MICU3: variants seen among roughly 807,000 people sequenced by gnomAD.
MICU3 encodes the protein mitochondrial calcium uptake 3, also known as calcium uptake protein 3, mitochondrial.
In MICU3, 62 loss-of-function variants were observed where a neutral mutation model predicts 66.5. The observed-to-expected ratio is 0.93, with a 90% CI of 0.76 to 1.15. The LOEUF is 1.15. MICU3 is among the 50% of genes most tolerant of loss of function. The pLI, the probability that MICU3 is intolerant of heterozygous loss-of-function variation, is 0.00. For synonymous variants in MICU3, 308 were observed against 240.7 expected (o/e 1.28, Z -2.59); for missense variants, 779 against 664.4 (o/e 1.17, Z -1.90).
chr8:17,082,456 C>G (rs1240247935), intron 5 of MICU3, among the ~76,000 whole-genome samples: 2 of 152,116 alleles, frequency 1.3e-5, no homozygotes, highest in Non-Finnish European at 2.9e-5. Flanking sequence ...CTTTGTATCT[C>G]TTTACTGCGT....
rs1164349856 is a variant in MICU3 at position 17,104,975 on chromosome 8, A to G, written c.1086-438A>G. Among the ~76,000 whole-genome samples, 3 of 133,888 alleles carry G rather than the reference A, an allele frequency of 2.2e-5. 1 individual carries two copies. Among genetic ancestry groups the G allele is most frequent in the Non-Finnish European group, 4.8e-5 (3 of 63,016 alleles). 87.8% of individuals were successfully genotyped at this position (133,888 alleles called of 152,430 possible). ...GCGCCACTGCACTCCAGCCTGGGCG[A>G]CAGAGCGAGACTCCGTCTCAAAAAA... On this transcript the variant is annotated intron_variant, in intron 10 of 14. Coordinates refer to ENST00000318063, the MANE Select transcript of MICU3 (RefSeq NM_181723.3).
chr8:17,090,766 C>A, intron 8 of MICU3, 182 bp downstream of exon 8: 5 of 432,530 alleles, frequency 1.2e-5, no homozygotes, highest in South Asian at 6.1e-5. Flanking sequence ...TATGTGAAGA[C>A]TAAAATATGC....
At chr8:17,113,201 T>A (rs553302217) in intron 11 of MICU3, among the ~76,000 whole-genome samples, 2 of 152,214 alleles carry the variant, frequency 1.3e-5, no homozygotes, top group Non-Finnish European at 2.9e-5. Flanking sequence ...CAACACGGCC[T>A]TGTTAGTGTC....
intron 1 of MICU3, chr8:17,049,509 A>G (rs1815685285): frequency 2.0e-6 from 1 of 493,302 alleles, no homozygotes; most frequent in Admixed American, 2.0e-5. Flanking sequence ...TTGTGGGCTT[A>G]GTATTTATTT....
At chr8:17,079,102 T>G (rs1033967358) in intron 4 of MICU3, among the ~76,000 whole-genome samples, 10 of 152,016 alleles carry the variant, frequency 6.6e-5, no homozygotes, top group Non-Finnish European at 1.2e-4. Context: ...AATCTGGAAG[T>G]CCTAGGTTTA....
At chr8:17,097,785 G>C (rs889579759) in intron 8 of MICU3, among the ~76,000 whole-genome samples, 2 of 151,208 alleles carry the variant, frequency 1.3e-5, no homozygotes, top group Admixed American at 6.6e-5. Flanking sequence ...AGAGTGATTA[G>C]ACTACACTTT....
At chr8:17,044,731 ACAG>A (rs1287146580) in intron 1 of MICU3, among the ~76,000 whole-genome samples, 1 of 152,186 alleles carries the variant, frequency 6.6e-6, no homozygotes, top group Non-Finnish European at 1.5e-5. Flanking sequence ...GTTGGCCTCT[ACAG>A]CAGCTTCAGG....
intron 3 of MICU3, among the ~76,000 whole-genome samples, chr8:17,070,080 A>G (rs949091587): frequency 3.3e-5 from 5 of 152,076 alleles, no homozygotes; most frequent in Non-Finnish European, 1.5e-5. Flanking sequence ...TACCTTGTAA[A>G]GTTGAACTTG....
intron 1 of MICU3, among the ~76,000 whole-genome samples, chr8:17,037,766 G>A (rs911759459): frequency 1.3e-5 from 2 of 152,184 alleles, no homozygotes; most frequent in Non-Finnish European, 2.9e-5. Flanking sequence ...GAAAGCAGCC[G>A]GGAGTGGGGC....
chr8:17,075,083 T>A (rs1272313552), intron 3 of MICU3, among the ~76,000 whole-genome samples: 1 of 152,110 alleles, frequency 6.6e-6, no homozygotes, highest in Admixed American at 6.5e-5. Flanking sequence ...GGTTATGGTT[T>A]TATTAGATAG....
chr8:17,081,091 A>T (rs1821112656), intron 4 of MICU3, among the ~76,000 whole-genome samples: 1 of 152,130 alleles, frequency 6.6e-6, no homozygotes, highest in Non-Finnish European at 1.5e-5. Context: ...AGTTACTGAG[A>T]ACTCAGGATG....
chr8:17,073,030 AC>A (rs1819839915), intron 3 of MICU3, among the ~76,000 whole-genome samples: 1 of 152,008 alleles, frequency 6.6e-6, no homozygotes. Flanking sequence ...AGCTGGGACC[AC>A]AGGCACACAC....
At chr8:17,112,721 T>G (rs928888633) in intron 11 of MICU3, among the ~76,000 whole-genome samples, 1 of 152,204 alleles carries the variant, frequency 6.6e-6, no homozygotes, top group African/African-American at 2.4e-5. Flanking sequence ...ATATTGATAT[T>G]TTTGTTTTCC....
At chr8:17,110,913 G>A (rs772721489) in intron 11 of MICU3, among the ~76,000 whole-genome samples, 1 of 152,070 alleles carries the variant, frequency 6.6e-6, no homozygotes, top group African/African-American at 2.4e-5. Flanking sequence ...ATTGTAGTAT[G>A]TATCAGTATT....
intron 5 of MICU3, among the ~76,000 whole-genome samples, chr8:17,084,001 T>G (rs1172324716): frequency 6.6e-6 from 1 of 152,028 alleles, no homozygotes; most frequent in East Asian, 1.9e-4. Context: ...GTTAGGATCT[T>G]TGGGTGCTGT....
chr8:17,088,029 A>C (rs1408441726), intron 7 of MICU3, among the ~76,000 whole-genome samples: 1 of 152,012 alleles, frequency 6.6e-6, no homozygotes, highest in Admixed American at 6.6e-5. Flanking sequence ...AAGAATATGT[A>C]TTAGGTTTTT....
chr8:17,061,163 A>G (rs1406718942), intron 1 of MICU3, among the ~76,000 whole-genome samples: 1 of 152,132 alleles, frequency 6.6e-6, no homozygotes, highest in East Asian at 1.9e-4. Flanking sequence ...AGGTGGTGGC[A>G]GTGGTTTTGA....
In MICU3 at chr8:17,086,994, AAG is replaced by A. The variant is rs1799545130; in HGVS notation, c.814_815del (p.Glu272AsnfsTer2). ...AGAGATATTCAGGAAAAAAAATGAA[AAG>A]AGAGAAATTAAAGGAGATGAAGAAA... ...LQEIFRKKNE[K>X]REIKGDEEKR... On this transcript the variant is annotated frameshift_variant, in exon 7 of 15. Transcript: ENST00000318063. LOFTEE classifies it high-confidence loss of function. 2 of 1,606,776 alleles carry A rather than the reference AAG, an allele frequency of 1.2e-6. No homozygotes were observed. The highest frequency in any genetic ancestry group is 1.3e-5 in the African/African-American group (1 of 74,832).
intron 1 of MICU3, among the ~76,000 whole-genome samples, chr8:17,057,654 T>A (rs1050594241): frequency 1.3e-5 from 2 of 152,166 alleles, no homozygotes; most frequent in African/African-American, 4.8e-5. Flanking sequence ...AATTTGCAAA[T>A]GATCTCCTCC....
Sources: gnomAD v4.1 joint callset for allele counts (sites outside exome capture counted in the v4.1 genomes callset) on GRCh38, gnomAD v4.1.1 for gene constraint, MANE v1.5 for transcripts, NCBI Gene and HGNC (gene_info 2026-07-23, HGNC 2026-07-21) for gene names.